Variants in HDAC8 observed in about 807,000 individuals in gnomAD.
The protein encoded by HDAC8 is histone deacetylase 8.
Under a neutral mutation model 32.2 loss-of-function variants are expected in HDAC8, and 1 was observed. That is an observed-to-expected ratio of 0.03 (90% CI 0.01 to 0.15). The LOEUF (loss-of-function observed/expected upper bound fraction) is 0.15, where lower values mean the gene tolerates loss of function less well. Among genes scored for constraint, HDAC8 ranks in the 10% least tolerant of loss-of-function variants. HDAC8 has a pLI of 1.00. For missense variants in HDAC8, 117 were observed against 300.0 expected, an observed-to-expected ratio of 0.39 and a Z score of 4.51; for synonymous variants, 108 against 113.9, an observed-to-expected ratio of 0.95 and a Z score of 0.33.
At chrX:72,360,188 C>G (rs898347632) in intron 9 of HDAC8, among the ~76,000 whole-genome samples, 7 of 109,670 alleles carry the variant, frequency 6.4e-5, no homozygotes, top group Non-Finnish European at 9.5e-5. Flanking sequence ...AACCCTGTCT[C>G]TACTAAAAAT....
chrX:72,409,207 G>A (rs992122331), intron 9 of HDAC8, among the ~76,000 whole-genome samples: 18 of 112,083 alleles, frequency 1.6e-4, no homozygotes, highest in Non-Finnish European at 3.2e-4. Context: ...GCTTTCTCTT[G>A]CTCCATCATG....
chrX:72,464,282 A>G (rs782247492), intron 8 of HDAC8, among the ~76,000 whole-genome samples: 5 of 112,015 alleles, frequency 4.5e-5, no homozygotes, highest in Admixed American at 1.9e-4. Context: ...TATTTTTAAG[A>G]TTCGAGGTAA....
At position 72,445,292 on chromosome X, in the gene HDAC8, G is replaced by T. The variant is rs1457421071; in HGVS notation, c.1005+16712C>A. On this transcript the variant is annotated intron_variant, in intron 9 of 10. Transcript: ENST00000373573. ...ACCTGACTTCAAACTATACTACAAG[G>T]CTACAGTAACCAAAACAGCATGGTA... is the stretch of plus-strand genomic sequence containing the variant. Among the ~76,000 whole-genome samples the T allele has an allele frequency of 7.8e-3, 862 of 110,274 alleles. 14 individuals are homozygous for T. The highest frequency in any genetic ancestry group is 0.027 in the African/African-American group (817 of 30,324).
intron 4 of HDAC8, among the ~76,000 whole-genome samples, chrX:72,566,749 T>G (rs782530036): frequency 3.6e-5 from 4 of 112,060 alleles, no homozygotes; most frequent in South Asian, 7.5e-4. Flanking sequence ...TTCTTCAATG[T>G]GGATTAAGTA....
intron 9 of HDAC8, among the ~76,000 whole-genome samples, chrX:72,441,188 C>T (rs961817077): frequency 7.1e-5 from 8 of 112,876 alleles, no homozygotes; most frequent in Admixed American, 5.6e-4. Context: ...AGCAGTGGTT[C>T]TCCCAGCATG....
chrX:72,425,866 C>T (rs782572808), intron 9 of HDAC8, among the ~76,000 whole-genome samples: 4 of 111,651 alleles, frequency 3.6e-5, no homozygotes, highest in African/African-American at 1.3e-4. Context: ...TCTGAAATGT[C>T]CTTCCTCTTG....
chrX:72,385,958 C>G (rs2045415118), intron 9 of HDAC8, among the ~76,000 whole-genome samples: 1 of 112,281 alleles, frequency 8.9e-6, no homozygotes. Context: ...TCCAGCAATT[C>G]CATTTGCAGG....
rs1387403231 is a variant in HDAC8, at chrX:72,549,542, C to T, written c.437+18347G>A. Among the ~76,000 whole-genome samples the T allele has an allele frequency of 5.4e-5, 6 of 111,329 alleles. No homozygotes were observed. In the East Asian group the frequency reaches 1.4e-3, roughly 26 times the overall value. ...CATCTCAGACCTACTGAATTAGAAT[C>T]CGCATTTAAACAAGAATCCCAGAGG... On this transcript the variant is annotated intron_variant, in intron 4 of 10. Coordinates refer to ENST00000373573, the MANE Select transcript of HDAC8 (RefSeq NM_018486.3).
chrX:72,452,998 A>T (rs1374111864), intron 9 of HDAC8, among the ~76,000 whole-genome samples: 1 of 111,320 alleles, frequency 9.0e-6, no homozygotes, highest in Non-Finnish European at 1.9e-5. Context: ...TTAAGAATGG[A>T]AATTCTAGAG....
At chrX:72,366,772 C>T (rs1054470279) in intron 9 of HDAC8, among the ~76,000 whole-genome samples, 8 of 111,766 alleles carry the variant, frequency 7.2e-5, no homozygotes, top group Non-Finnish European at 1.1e-4. Context: ...AAATGAAGGG[C>T]AGCCAGAGTA....
chrX:72,331,345 T>A (rs1212938027), intron 10 of HDAC8, among the ~76,000 whole-genome samples: 4 of 111,537 alleles, frequency 3.6e-5, no homozygotes, highest in African/African-American at 9.8e-5. Context: ...AGGAGTTCCA[T>A]AACCCCTCAA....
At chrX:72,480,104 T>C (rs2048450875) in intron 7 of HDAC8, among the ~76,000 whole-genome samples, 1 of 112,231 alleles carries the variant, frequency 8.9e-6, no homozygotes, top group South Asian at 3.7e-4. Context: ...AACAGGTAAT[T>C]TTACATCTGC....
At chrX:72,398,182 C>T (rs986490849) in intron 9 of HDAC8, among the ~76,000 whole-genome samples, 4 of 111,777 alleles carry the variant, frequency 3.6e-5, no homozygotes, top group African/African-American at 6.5e-5. Flanking sequence ...TGGTTTCTTT[C>T]GTCATTTATT....
chrX:72,372,843 C>T (rs1212215089), intron 9 of HDAC8, among the ~76,000 whole-genome samples: 1 of 111,414 alleles, frequency 9.0e-6, no homozygotes, highest in Non-Finnish European at 1.9e-5. Context: ...CTGCAAAGCA[C>T]TTAGAATAGT....
At chrX:72,355,621 C>CAGCTTGAGTTCAGATCAGCCCA in intron 9 of HDAC8, among the ~76,000 whole-genome samples, 1 of 111,819 alleles carries the variant, frequency 8.9e-6, no homozygotes, top group African/African-American at 3.2e-5. Context: ...GTAAATAGCT[C>CAGCTTGAGTTCAGATCAGCCCA]AGCTTGAGTT....
intron 9 of HDAC8, among the ~76,000 whole-genome samples, chrX:72,450,502 C>G (rs1249850633): frequency 9.0e-6 from 1 of 111,725 alleles, no homozygotes; most frequent in Non-Finnish European, 1.9e-5. Context: ...GAAGTTACCA[C>G]TGGGGGGAAC....
At chrX:72,350,437 T>C (rs782490876) in intron 10 of HDAC8, among the ~76,000 whole-genome samples, 3 of 111,427 alleles carry the variant, frequency 2.7e-5, no homozygotes, top group Non-Finnish European at 5.7e-5. Flanking sequence ...GAGTGTAGTG[T>C]TTCCTCAGAC....
At chrX:72,365,808 G>A (rs782349818) in intron 9 of HDAC8, among the ~76,000 whole-genome samples, 16 of 111,707 alleles carry the variant, frequency 1.4e-4, no homozygotes, top group Non-Finnish European at 3.0e-4. Context: ...AGCCATGGAT[G>A]GAATTGCTAC....
At chrX:72,488,383 G>A (rs1427678016) in intron 7 of HDAC8, among the ~76,000 whole-genome samples, 1 of 110,620 alleles carries the variant, frequency 9.0e-6, no homozygotes, top group African/African-American at 3.3e-5. Context: ...CAACTCTAGT[G>A]GTCCACACAT....
Sources: allele counts gnomAD v4.1 joint callset (sites outside exome capture counted in the v4.1 genomes callset), GRCh38; gene constraint gnomAD v4.1.1; transcripts MANE v1.5; gene names NCBI Gene and HGNC (gene_info 2026-07-23, HGNC 2026-07-21).